The following NWD2 variants were observed in gnomAD, a reference collection of about 807,000 sequenced individuals.
The protein encoded by NWD2 is NACHT and WD repeat domain containing 2.
A neutral mutation model predicts 132.7 loss-of-function variants in NWD2; 37 were observed. The ratio of observed to expected loss-of-function variants is 0.28; its 90% CI spans 0.21 to 0.37. The LOEUF (loss-of-function observed/expected upper bound fraction) is 0.37, where lower values mean the gene tolerates loss of function less well. Ranked by LOEUF, NWD2 falls within the 10% of genes least tolerant of loss-of-function variation. NWD2 has a pLI of 1.00. For synonymous variants in NWD2, 705 were observed against 803.0 expected, an observed-to-expected ratio of 0.88 and a Z score of 2.06; for missense variants, 1,592 against 2,122.4, an observed-to-expected ratio of 0.75 and a Z score of 4.91.
chr4:37,268,202 G>A (rs1183458478), intron 1 of NWD2, among the ~76,000 whole-genome samples: 3 of 151,780 alleles, frequency 2.0e-5, no homozygotes, highest in African/African-American at 7.3e-5. Flanking sequence ...TTTCTTCCTT[G>A]TATCCTGTTT....
At chr4:37,366,674 T>G (rs1011300073) in intron 3 of NWD2, among the ~76,000 whole-genome samples, 2 of 152,152 alleles carry the variant, frequency 1.3e-5, no homozygotes, top group African/African-American at 4.8e-5. Context: ...GATATAGATA[T>G]ATATGCCATG....
At chr4:37,285,213 G>C (rs191713230) in intron 1 of NWD2, among the ~76,000 whole-genome samples, 2 of 152,116 alleles carry the variant, frequency 1.3e-5, no homozygotes, top group African/African-American at 2.4e-5. Context: ...TCTTGTGAAC[G>C]TTCCAACACA....
rs1479060667 is a variant in NWD2 at position 37,416,680 on chromosome 4, T to C, written c.358-13892T>C. Among the ~76,000 whole-genome samples the C allele has an allele frequency of 2.6e-5, 4 of 152,096 alleles. No homozygotes were observed. The South Asian group carries it at 8.3e-4, about 32-fold the overall frequency. On this transcript the variant is annotated intron_variant, in intron 3 of 6. Coordinates refer to ENST00000309447, the MANE Select transcript of NWD2 (RefSeq NM_001144990.2). ...ATATTTATAGCAGCACAATTTGCAA[T>C]TGCAAAAATATAGAACCAGACCAGA...
At chr4:37,391,034 A>AT (rs1321664872) in intron 3 of NWD2, among the ~76,000 whole-genome samples, 4 of 152,114 alleles carry the variant, frequency 2.6e-5, no homozygotes, top group African/African-American at 4.8e-5. Context: ...TACCTCACTG[A>AT]TTTTTTTGTT....
intron 5 of NWD2, among the ~76,000 whole-genome samples, chr4:37,438,495 A>G (rs1333106262): frequency 6.6e-6 from 1 of 152,148 alleles, no homozygotes; most frequent in Non-Finnish European, 1.5e-5. Context: ...CTGAGCAGCA[A>G]TTAGAAATAG....
chr4:37,343,339 C>T (rs745577154), intron 2 of NWD2, among the ~76,000 whole-genome samples: 11 of 152,202 alleles, frequency 7.2e-5, no homozygotes, highest in Admixed American at 2.6e-4. Context: ...TCTGAATCAG[C>T]TCTGTACACT....
intron 1 of NWD2, among the ~76,000 whole-genome samples, chr4:37,247,397 A>G (rs970763760): frequency 6.6e-6 from 1 of 152,194 alleles, no homozygotes; most frequent in African/African-American, 2.4e-5. Context: ...TCAAATTAAG[A>G]CAAAGAACAT....
In NWD2 at chr4:37,438,595, A is replaced by T. The variant is rs1435724304; in HGVS notation, c.707-206A>T. Reference sequence around the variant, plus strand: ...TTCCTAAACTTGGGGAGAAAATTAGATAATTTTATGTAAAACCTGTTCTCC... The same window carrying T: ...TTCCTAAACTTGGGGAGAAAATTAGTTAATTTTATGTAAAACCTGTTCTCC... On this transcript the variant is annotated intron_variant, in intron 5 of 6. Transcript: ENST00000309447. Among the ~76,000 whole-genome samples, 7 of 152,338 alleles carry T rather than the reference A, an allele frequency of 4.6e-5. No homozygotes were observed. In the East Asian group the frequency reaches 1.4e-3, roughly 29 times the overall value.
intron 3 of NWD2, among the ~76,000 whole-genome samples, chr4:37,370,849 C>G (rs947374101): frequency 6.6e-6 from 1 of 152,154 alleles, no homozygotes; most frequent in East Asian, 1.9e-4. Context: ...TGTTGCTTAT[C>G]TGAAAAGAAC....
intron 3 of NWD2, among the ~76,000 whole-genome samples, chr4:37,385,478 A>G (rs574724472): frequency 6.6e-6 from 1 of 152,326 alleles, no homozygotes; most frequent in East Asian, 1.9e-4. Context: ...AGAGGAACAG[A>G]GCAGCGTTCT....
chr4:37,364,534 A>G (rs994303219), intron 3 of NWD2, among the ~76,000 whole-genome samples: 1 of 152,182 alleles, frequency 6.6e-6, no homozygotes, highest in Non-Finnish European at 1.5e-5. Context: ...ACCAACACCC[A>G]TGTAGCATCC....
intron 3 of NWD2, among the ~76,000 whole-genome samples, chr4:37,424,966 A>G (rs991706061): frequency 6.6e-5 from 10 of 152,158 alleles, no homozygotes; most frequent in Admixed American, 2.6e-4. Context: ...TATTTGCCCA[A>G]TGGAAAAGAA....
chr4:37,339,556 T>C (rs892775724), intron 2 of NWD2, among the ~76,000 whole-genome samples: 1 of 152,178 alleles, frequency 6.6e-6, no homozygotes, highest in Non-Finnish European at 1.5e-5. Flanking sequence ...CCCAAGAGGA[T>C]TGATCTTGCA....
chr4:37,394,799 G>T (rs1319580456), intron 3 of NWD2, among the ~76,000 whole-genome samples: 24 of 52,588 alleles, frequency 4.6e-4, no homozygotes, highest in East Asian at 1.3e-3. Flanking sequence ...AACCTTTATG[G>T]TTTTTTTTTT....
At chr4:37,371,217 A>G (rs2109305533) in intron 3 of NWD2, among the ~76,000 whole-genome samples, 1 of 151,626 alleles carries the variant, frequency 6.6e-6, no homozygotes, top group Non-Finnish European at 1.5e-5. Flanking sequence ...ACCTGGGACT[A>G]CAGGTGTGCA....
At chr4:37,375,806 A>T (rs1720336316) in intron 3 of NWD2, among the ~76,000 whole-genome samples, 1 of 152,038 alleles carries the variant, frequency 6.6e-6, no homozygotes, top group Non-Finnish European at 1.5e-5. Context: ...TGACCTTGTG[A>T]TCCACCCGCC....
intron 5 of NWD2, among the ~76,000 whole-genome samples, chr4:37,437,322 G>A (rs530615393): frequency 6.6e-6 from 1 of 152,208 alleles, no homozygotes; most frequent in South Asian, 2.1e-4. Context: ...TGTCCTCACA[G>A]GGCAGGAGGG....
chr4:37,367,022 T>C (rs1720116877), intron 3 of NWD2, among the ~76,000 whole-genome samples: 1 of 152,178 alleles, frequency 6.6e-6, no homozygotes, highest in Non-Finnish European at 1.5e-5. Context: ...CTGCAAAATA[T>C]ACCTTTTTTC....
At chr4:37,327,753 A>G (rs1358832578) in intron 2 of NWD2, among the ~76,000 whole-genome samples, 1 of 152,132 alleles carries the variant, frequency 6.6e-6, no homozygotes, top group Non-Finnish European at 1.5e-5. Context: ...TCACTCCCTA[A>G]GGATATATTT....
Sources: gnomAD v4.1 joint callset for allele counts (sites outside exome capture counted in the v4.1 genomes callset) on GRCh38, gnomAD v4.1.1 for gene constraint, MANE v1.5 for transcripts, NCBI Gene and HGNC (gene_info 2026-07-23, HGNC 2026-07-21) for gene names.